Variants in ZSWIM6 observed in about 807,000 individuals in gnomAD.
ZSWIM6 encodes the protein zinc finger SWIM domain-containing protein 6.
ZSWIM6 carries 9 observed loss-of-function variants against 113.2 expected under a neutral mutation model. The ratio of observed to expected loss-of-function variants is 0.08; its 90% CI spans 0.05 to 0.14. The LOEUF (loss-of-function observed/expected upper bound fraction) is 0.14, where lower values mean the gene tolerates loss of function less well. ZSWIM6 is among the 10% of genes least tolerant of loss of function. The pLI is 1.00. For synonymous variants in ZSWIM6, 611 were observed against 606.5 expected (o/e 1.01, Z -0.11); for missense variants, 1,162 against 1,552.2 (o/e 0.75, Z 4.22).
chr5:61,497,526 T>C (rs1748355605), intron 4 of ZSWIM6, among the ~76,000 whole-genome samples: 1 of 152,196 alleles, frequency 6.6e-6, no homozygotes, highest in Non-Finnish European at 1.5e-5. Context: ...AGTTAACTTT[T>C]GTGATTTACT....
intron 1 of ZSWIM6, chr5:61,391,198 C>T: frequency 1.2e-6 from 1 of 850,962 alleles, no homozygotes; most frequent in Non-Finnish European, 2.1e-6. Context: ...GTAGCCATTG[C>T]CCTTGGTCAA....
At chr5:61,371,722 G>C (rs1745265903) in intron 1 of ZSWIM6, among the ~76,000 whole-genome samples, 1 of 152,082 alleles carries the variant, frequency 6.6e-6, no homozygotes, top group African/African-American at 2.4e-5. Context: ...AGAACCATTA[G>C]GTGTGCTGTG....
At chr5:61,373,799 G>A (rs1212702515) in intron 1 of ZSWIM6, among the ~76,000 whole-genome samples, 2 of 151,796 alleles carry the variant, frequency 1.3e-5, no homozygotes, top group Admixed American at 6.6e-5. Flanking sequence ...CCCCCCACTC[G>A]TCAACAGAGA....
intron 4 of ZSWIM6, among the ~76,000 whole-genome samples, chr5:61,502,664 C>T (rs541063840): frequency 1.1e-4 from 16 of 152,292 alleles, no homozygotes; most frequent in Admixed American, 5.2e-4. Context: ...AGTATCAGTC[C>T]GTGGCCTGTT....
chr5:61,431,028 A>G (rs2112134955), intron 1 of ZSWIM6, among the ~76,000 whole-genome samples: 1 of 152,302 alleles, frequency 6.6e-6, no homozygotes, highest in Non-Finnish European at 1.5e-5. Flanking sequence ...CAGAAGGGAT[A>G]TGTATGAGAG....
At chr5:61,485,395 C>T (rs1444650345) in intron 2 of ZSWIM6, among the ~76,000 whole-genome samples, 1 of 152,162 alleles carries the variant, frequency 6.6e-6, no homozygotes, top group African/African-American at 2.4e-5. Context: ...ATCCAGCTTC[C>T]TCCTTGAAAT....
intron 1 of ZSWIM6, among the ~76,000 whole-genome samples, chr5:61,451,570 A>G (rs1262606903): frequency 1.3e-5 from 2 of 152,162 alleles, no homozygotes; most frequent in African/African-American, 4.8e-5. Flanking sequence ...CTTTCCCAGC[A>G]TAGACAAACT....
intron 1 of ZSWIM6, among the ~76,000 whole-genome samples, chr5:61,339,187 C>T (rs1426400611): frequency 1.3e-5 from 2 of 152,080 alleles, no homozygotes; most frequent in South Asian, 2.1e-4. Context: ...TAAGAGTTGT[C>T]CCTTTGAAAA....
At chr5:61,355,440 AC>A (rs1561204646) in intron 1 of ZSWIM6, among the ~76,000 whole-genome samples, 1,737 of 40,502 alleles carry the variant, frequency 0.043, 19 homozygotes, top group South Asian at 0.07. Flanking sequence ...AAACACACAC[AC>A]ACACACACAC....
chr5:61,463,231 T>C (rs1432887704), intron 1 of ZSWIM6, among the ~76,000 whole-genome samples: 1 of 152,238 alleles, frequency 6.6e-6, no homozygotes, highest in Non-Finnish European at 1.5e-5. Context: ...GTTATTATGT[T>C]ATTTTTACTT....
chr5:61,383,846 C>T (rs982478487), intron 1 of ZSWIM6, among the ~76,000 whole-genome samples: 1 of 151,832 alleles, frequency 6.6e-6, no homozygotes. Flanking sequence ...CACACCTGGC[C>T]AGAACTTTTT....
intron 1 of ZSWIM6, among the ~76,000 whole-genome samples, chr5:61,409,890 T>C (rs1746120594): frequency 6.6e-6 from 1 of 152,206 alleles, no homozygotes; most frequent in Admixed American, 6.5e-5. Context: ...AAGACTATTT[T>C]GAGTAGCTAC....
chr5:61,508,203 G>A (rs979163047), intron 4 of ZSWIM6, among the ~76,000 whole-genome samples: 8 of 152,192 alleles, frequency 5.3e-5, no homozygotes, highest in Admixed American at 3.3e-4. Context: ...AGGTGGATAA[G>A]TGTAGATGCC....
intron 1 of ZSWIM6, among the ~76,000 whole-genome samples, chr5:61,462,900 T>G (rs1485599183): frequency 1.3e-5 from 2 of 152,196 alleles, no homozygotes; most frequent in African/African-American, 2.4e-5. Flanking sequence ...CTAATTCTCT[T>G]TCCAGTCCTA....
At chr5:61,456,600 T>A (rs1348892792) in intron 1 of ZSWIM6, among the ~76,000 whole-genome samples, 2 of 152,232 alleles carry the variant, frequency 1.3e-5, no homozygotes, top group African/African-American at 4.8e-5. Flanking sequence ...AATGAATTTC[T>A]CCTGCTGTGC....
intron 1 of ZSWIM6, among the ~76,000 whole-genome samples, chr5:61,365,789 A>G (rs554821009): frequency 6.6e-6 from 1 of 152,304 alleles, no homozygotes; most frequent in African/African-American, 2.4e-5. Flanking sequence ...GGCATAGTGT[A>G]CTGAAAAGTT....
intron 1 of ZSWIM6, among the ~76,000 whole-genome samples, chr5:61,456,029 GTC>G (rs1283258322): frequency 2.0e-5 from 3 of 152,014 alleles, no homozygotes. Context: ...TAAAGTCACA[GTC>G]TTGAAAATCG....
chr5:61,452,131 T>C (rs1332588576), intron 1 of ZSWIM6, among the ~76,000 whole-genome samples: 1 of 152,146 alleles, frequency 6.6e-6, no homozygotes, highest in African/African-American at 2.4e-5. Flanking sequence ...TCAATCATTT[T>C]CTTGCTGTTT....
At chr5:61,522,210 C>T (rs1209102489) in intron 5 of ZSWIM6, among the ~76,000 whole-genome samples, 7 of 151,930 alleles carry the variant, frequency 4.6e-5, no homozygotes, top group Non-Finnish European at 8.8e-5. Context: ...TTCCCTTCTA[C>T]CTGCTGCAGA....
Sources: allele counts gnomAD v4.1 joint callset (sites outside exome capture counted in the v4.1 genomes callset), GRCh38; gene constraint gnomAD v4.1.1; transcripts MANE v1.5; gene names NCBI Gene and HGNC (gene_info 2026-07-23, HGNC 2026-07-21).